Variants in PIGK observed in about 807,000 individuals in gnomAD.
PIGK encodes the protein GPI-anchor transamidase.
Under a neutral mutation model 50.6 loss-of-function variants are expected in PIGK, and 42 were observed. The observed-to-expected ratio is 0.83, with a 90% CI of 0.65 to 1.07. The LOEUF (loss-of-function observed/expected upper bound fraction) is 1.07, where lower values mean the gene tolerates loss of function less well. PIGK is among the 50% of genes least tolerant of loss of function. The probability of loss-of-function intolerance (pLI) is 0.00; values close to 1 mark genes in which losing one functional copy is unlikely to be tolerated. For missense variants in PIGK, 448 were observed against 488.7 expected (o/e 0.92, Z 0.78); for synonymous variants, 151 against 156.0 (o/e 0.97, Z 0.24).
chr1:77,133,971 C>T (rs1654442822), intron 9 of PIGK, among the ~76,000 whole-genome samples: 1 of 152,180 alleles, frequency 6.6e-6, no homozygotes, highest in African/African-American at 2.4e-5. Flanking sequence ...TTATCAGAGG[C>T]CAAGCCCAAA....
intron 9 of PIGK, 76 bp from the exon 10 acceptor site, chr1:77,122,435 A>T: frequency 1.3e-6 from 1 of 783,696 alleles, no homozygotes; most frequent in South Asian, 1.6e-5. Context: ...AAATATGTCA[A>T]ATATGAAATA....
chr1:77,130,531 T>C (rs6603937), intron 9 of PIGK, among the ~76,000 whole-genome samples: 2 of 151,802 alleles, frequency 1.3e-5, no homozygotes, highest in Non-Finnish European at 2.9e-5. Context: ...TATGCATGAG[T>C]CTGTGGGGGC....
intron 8 of PIGK, among the ~76,000 whole-genome samples, chr1:77,157,213 G>A (rs983795174): frequency 6.6e-6 from 1 of 152,074 alleles, no homozygotes; most frequent in Non-Finnish European, 1.5e-5. Flanking sequence ...TAGAAAATAG[G>A]TATTATTATA....
At chr1:77,155,268 GA>G (rs1467122013) in intron 8 of PIGK, among the ~76,000 whole-genome samples, 1 of 152,144 alleles carries the variant, frequency 6.6e-6, no homozygotes, top group African/African-American at 2.4e-5. Flanking sequence ...AATACAGTCT[GA>G]AAAGCCACAA....
rs376601711 is a variant in PIGK, at chr1:77,204,711, G to A, written c.239+1929C>T. Among the ~76,000 whole-genome samples the A allele has an allele frequency of 6.6e-4, 101 of 152,170 alleles. No homozygotes were observed. In the South Asian group the frequency reaches 0.019, roughly 29 times the overall value. On this transcript the variant is annotated intron_variant, in intron 3 of 10. Transcript: ENST00000370812. Reference sequence around the variant, plus strand: ...TTAGGAAAAATAGAAAAGAACCTACGTTGAAATATCAGGGGCTGATTCCCC... The same window carrying A: ...TTAGGAAAAATAGAAAAGAACCTACATTGAAATATCAGGGGCTGATTCCCC...
At chr1:77,199,268 G>A (rs183063176) in intron 3 of PIGK, among the ~76,000 whole-genome samples, 21 of 152,086 alleles carry the variant, frequency 1.4e-4, no homozygotes, top group Non-Finnish European at 2.8e-4. Flanking sequence ...TTCTCCACAA[G>A]GAACATCATG....
chr1:77,097,763 A>G (rs1653452106), intron 10 of PIGK, among the ~76,000 whole-genome samples: 1 of 152,168 alleles, frequency 6.6e-6, no homozygotes, highest in South Asian at 2.1e-4. Context: ...AATTCTTACA[A>G]TTATTGAGAA....
At position 77,206,654 on chromosome 1, in the gene PIGK, T is replaced by C; in HGVS notation, c.225A>G (p.Leu75=). 3 of 1,599,378 alleles carry C rather than the reference T, an allele frequency of 1.9e-6. No individual in the cohort carries two copies. Among genetic ancestry groups the C allele is most frequent in the Non-Finnish European group, 2.6e-6 (3 of 1,166,986 alleles). ...TLSVYRSVKR[L]GIPDSHIVLM... The stretch of plus-strand genomic sequence containing the variant: ...AGGCTTCTTACCTGTCAGGAATACC[T>C]AGCCTCTTGACACTTCTATAAACAG... The change falls in exon 3 of 11, where the codon CTA becomes CTG. Residue 75 remains leucine, a synonymous_variant. Transcript: ENST00000370812.
intron 9 of PIGK, among the ~76,000 whole-genome samples, chr1:77,125,441 T>C (rs1205006427): frequency 6.6e-6 from 1 of 152,120 alleles, no homozygotes; most frequent in Non-Finnish European, 1.5e-5. Context: ...TATATGAGTA[T>C]TTTACTTATC....
intron 9 of PIGK, chr1:77,153,819 C>T (rs1157267507): frequency 6.6e-6 from 1 of 152,006 alleles, no homozygotes; most frequent in Non-Finnish European, 1.5e-5. Flanking sequence ...TAATAGATAG[C>T]AACAGATAAT....
intron 9 of PIGK, among the ~76,000 whole-genome samples, chr1:77,150,003 T>C (rs528837380): frequency 6.6e-6 from 1 of 151,706 alleles, no homozygotes; most frequent in South Asian, 2.1e-4. Flanking sequence ...AATGGGTCAA[T>C]GGAGAAATTA....
chr1:77,197,303 T>G (rs574277528), intron 3 of PIGK, among the ~76,000 whole-genome samples: 2 of 152,260 alleles, frequency 1.3e-5, no homozygotes, highest in East Asian at 3.9e-4. Context: ...AAAAAATGAA[T>G]AGTGACATTC....
intron 8 of PIGK, among the ~76,000 whole-genome samples, chr1:77,157,883 C>T (rs1655043473): frequency 6.6e-6 from 1 of 152,194 alleles, no homozygotes; most frequent in Non-Finnish European, 1.5e-5. Context: ...GGACAGTTCC[C>T]CTGCACATGC....
intron 5 of PIGK, among the ~76,000 whole-genome samples, chr1:77,165,398 G>A (rs1172474231): frequency 2.6e-5 from 4 of 151,792 alleles, no homozygotes; most frequent in African/African-American, 4.8e-5. Flanking sequence ...TATAAATTAA[G>A]CCTTGAAAGT....
At chr1:77,129,293 C>A (rs1316305963) in intron 9 of PIGK, 1 of 1,605,792 alleles carries the variant, frequency 6.2e-7, no homozygotes, top group South Asian at 1.1e-5. Context: ...GTGTACCATT[C>A]CGACGTTACA....
intron 10 of PIGK, among the ~76,000 whole-genome samples, chr1:77,116,100 G>C (rs1653955143): frequency 6.6e-6 from 1 of 152,052 alleles, no homozygotes; most frequent in Admixed American, 6.5e-5. Flanking sequence ...TTTACACGGA[G>C]CCTCTGCCTT....
At chr1:77,152,534 CA>C in intron 9 of PIGK, among the ~76,000 whole-genome samples, 1 of 151,808 alleles carries the variant, frequency 6.6e-6, no homozygotes, top group East Asian at 1.9e-4. Flanking sequence ...TTCTGCATAG[CA>C]AAGGAAACAA....
At chr1:77,186,939 C>A (rs1229416369) in intron 3 of PIGK, among the ~76,000 whole-genome samples, 1 of 152,136 alleles carries the variant, frequency 6.6e-6, no homozygotes, top group Non-Finnish European at 1.5e-5. Flanking sequence ...GTGGTTTGTC[C>A]CCACTGGAAT....
At chr1:77,194,480 T>C (rs899355313) in intron 3 of PIGK, among the ~76,000 whole-genome samples, 2 of 152,118 alleles carry the variant, frequency 1.3e-5, no homozygotes, top group African/African-American at 2.4e-5. Context: ...AATTTTGCCC[T>C]TTGCAGCAAC....
Sources: allele counts gnomAD v4.1 joint callset (sites outside exome capture counted in the v4.1 genomes callset), GRCh38; gene constraint gnomAD v4.1.1; transcripts MANE v1.5; gene names NCBI Gene and HGNC (gene_info 2026-07-23, HGNC 2026-07-21).